The following KAT7 variants were observed in gnomAD, a reference collection of about 807,000 sequenced individuals.
KAT7 encodes lysine acetyltransferase 7.
KAT7 carries 10 observed loss-of-function variants against 82.1 expected under a neutral mutation model. The ratio of observed to expected loss-of-function variants is 0.12; its 90% CI spans 0.08 to 0.21. KAT7 has a LOEUF of 0.21. KAT7 is among the 10% of genes least tolerant of loss of function. The pLI is 1.00. For synonymous variants in KAT7, 250 were observed against 262.5 expected, an observed-to-expected ratio of 0.95 and a Z score of 0.46; for missense variants, 378 against 760.9, an observed-to-expected ratio of 0.50 and a Z score of 5.92.
intron 8 of KAT7, 99 bp from the exon 9 acceptor site, chr17:49,817,721 C>T: frequency 1.1e-6 from 1 of 914,590 alleles, no homozygotes; most frequent in Non-Finnish European, 1.7e-6. Flanking sequence ...CCTGCCTCAG[C>T]CTCCCAAAGT....
Position 49,811,520 on chromosome 17 carries a change from A to G in KAT7, c.798A>G (p.Glu266=), listed in dbSNP as rs2074165372. 2.6e-6 allele frequency: 4 copies of G among 1,555,768 alleles called. No individual in the cohort carries two copies. Among genetic ancestry groups the G allele is most frequent in the Non-Finnish European group, 3.5e-6 (4 of 1,150,114 alleles). Residue 266 remains glutamate, a synonymous_variant, in exon 7 of 15, where the codon GAA becomes GAG. Transcript: ENST00000259021. The stretch of plus-strand genomic sequence containing the variant: ...TTCGATATAAGGAAAAAGTGGCTGA[A>G]CTCAGGAAGAAAAGAAATTCTGGAC... ...RQLRYKEKVA[E]LRKKRNSGLS... is the part of the protein sequence containing the mutation.
intron 9 of KAT7, among the ~76,000 whole-genome samples, chr17:49,821,021 G>A (rs2074297118): frequency 6.6e-6 from 1 of 152,082 alleles, no homozygotes; most frequent in Non-Finnish European, 1.5e-5. Flanking sequence ...TGAGGCATTT[G>A]GTAATAAGCA....
chr17:49,813,460 A>C (rs1336732078), intron 7 of KAT7, among the ~76,000 whole-genome samples: 1 of 152,308 alleles, frequency 6.6e-6, no homozygotes, highest in Admixed American at 6.5e-5. Context: ...ATTCTTAAAC[A>C]TAGGGCATGT....
rs1289619319 is a variant in KAT7 at position 49,833,613 on chromosome 17, T to G, written c.*6111T>G. Reference sequence around the variant, plus strand: ...AAACGAGAAGCTTGGGCTAAATTACTGAATGGTGAGAGACGATGCATAGGA... The same window carrying G: ...AAACGAGAAGCTTGGGCTAAATTACGGAATGGTGAGAGACGATGCATAGGA... On this transcript the variant is annotated 3_prime_UTR_variant, in exon 15 of 15. Coordinates refer to ENST00000259021, the MANE Select transcript of KAT7 (RefSeq NM_007067.5). The G allele has an allele frequency of 6.6e-6, 1 of 152,212 alleles. No homozygotes were observed. The highest frequency in any genetic ancestry group is 2.4e-5 in the African/African-American group (1 of 41,444). 9.4% of individuals were successfully genotyped at this position (152,212 alleles called of 1,614,324 possible).
chr17:49,814,801 G>T (rs77455122), intron 7 of KAT7, among the ~76,000 whole-genome samples: 5,350 of 152,024 alleles, frequency 0.035, 236 homozygotes, highest in African/African-American at 0.1. Context: ...AATTTAAAAA[G>T]ATTCACAGCA....
chr17:49,828,055 T>C lies in KAT7; in HGVS notation c.*553T>C, dbSNP rs1310516869. Reference sequence around the variant, plus strand: ...TTCTTCATTTTGATTAAGAGACCTCTTTTTGATCTGTATTGGGCTAACCAG... The same window carrying C: ...TTCTTCATTTTGATTAAGAGACCTCCTTTTGATCTGTATTGGGCTAACCAG... On this transcript the variant is annotated 3_prime_UTR_variant, in exon 15 of 15. Coordinates refer to ENST00000259021, the MANE Select transcript of KAT7 (RefSeq NM_007067.5). 6.5e-6 allele frequency: 1 copy of C among 153,160 alleles called. No homozygotes were observed. The highest frequency in any genetic ancestry group is 1.5e-5 in the Non-Finnish European group (1 of 68,652). The allele number at this position is 153,160 out of a possible 1,614,324, so 9.5% of individuals were successfully genotyped here.
chr17:49,820,569 G>A (rs1031066845), intron 9 of KAT7, among the ~76,000 whole-genome samples: 2 of 152,064 alleles, frequency 1.3e-5, no homozygotes, highest in Non-Finnish European at 2.9e-5. Flanking sequence ...GTGAGCCACC[G>A]CATCAGGCCT....
intron 4 of KAT7, among the ~76,000 whole-genome samples, chr17:49,800,782 A>G (rs1228591009): frequency 6.6e-6 from 1 of 152,132 alleles, no homozygotes; most frequent in Admixed American, 6.5e-5. Flanking sequence ...TCAACTGGAG[A>G]TAAATGCTGT....
chr17:49,834,567 A>G lies in KAT7; in HGVS notation c.*7065A>G, dbSNP rs1325117027. ...TCAAGTCTTTCCGTAAGCTGACTCA[A>G]CCTACATAGCTTTCATCATTCCCTT... On this transcript the variant is annotated 3_prime_UTR_variant, in exon 15 of 15. Transcript: ENST00000259021. The G allele has an allele frequency of 6.6e-6, 1 of 152,254 alleles. No individual in the cohort carries two copies. The highest frequency in any genetic ancestry group is 2.4e-5 in the African/African-American group (1 of 41,468). The allele number at this position is 152,254 out of a possible 1,614,324, so 9.4% of individuals were successfully genotyped here.
intron 2 of KAT7, 87 bp downstream of exon 2, chr17:49,792,120 GC>G (rs1224702501): frequency 1.5e-6 from 2 of 1,350,798 alleles, no homozygotes; most frequent in Admixed American, 1.9e-5. Context: ...GTGGAAACTG[GC>G]CCCTTGGCTT....
At chr17:49,808,811 A>G (rs1300268485) in intron 5 of KAT7, among the ~76,000 whole-genome samples, 1 of 152,038 alleles carries the variant, frequency 6.6e-6, no homozygotes, top group Admixed American at 6.6e-5. Context: ...GCACTTCCTC[A>G]TGCTTTTTTA....
Position 49,826,706 on chromosome 17 carries a change from G to A in KAT7, c.1641G>A (p.Glu547=). Residue 547 remains glutamate, a synonymous_variant, in exon 14 of 15, where the codon GAG becomes GAA. Coordinates refer to ENST00000259021, the MANE Select transcript of KAT7 (RefSeq NM_007067.5). The part of the protein sequence containing the change: ...KEISIKEISQ[E]TAVNPVDIVS... ...CTTCTGTTTCAGAAATCAGTCAGGA[G>A]ACGGCTGTGAATCCTGTGGACATTG... The A allele has an allele frequency of 6.2e-7, 1 of 1,611,132 alleles. No individual in the cohort carries two copies. The highest frequency in any genetic ancestry group is 8.5e-7 in the Non-Finnish European group (1 of 1,179,076).
At chr17:49,795,068 C>T (rs184697209) in intron 2 of KAT7, among the ~76,000 whole-genome samples, 35 of 150,316 alleles carry the variant, frequency 2.3e-4, no homozygotes, top group Admixed American at 5.3e-4. Context: ...AGGCTGACAC[C>T]GCGCCCTGGC....
chr17:49,789,446 C>CCAGTTGCTTCCAAG (rs1555600682), intron 1 of KAT7: 1 of 152,154 alleles, frequency 6.6e-6, no homozygotes, highest in Non-Finnish European at 1.5e-5. Context: ...CCCTCTCAGG[C>CCAGTTGCTTCCAAG]CAGTTGCCTC....
intron 4 of KAT7, among the ~76,000 whole-genome samples, chr17:49,799,499 A>T (rs566344435): frequency 6.6e-6 from 1 of 151,688 alleles, no homozygotes; most frequent in East Asian, 1.9e-4. Flanking sequence ...TCCTGCTTCA[A>T]CCTCCTGAGT....
chr17:49,824,966 A>G, intron 12 of KAT7, among the ~76,000 whole-genome samples: 1 of 152,038 alleles, frequency 6.6e-6, no homozygotes, highest in East Asian at 1.9e-4. Context: ...GTGATATTCA[A>G]ATTTCCCTGG....
At chr17:49,796,947 T>G (rs747691369) in intron 3 of KAT7, 21 bp downstream of exon 3, 2 of 1,608,026 alleles carry the variant, frequency 1.2e-6, no homozygotes, top group Non-Finnish European at 8.5e-7. Context: ...ATGGTATGAC[T>G]TAGACCTATT....
Position 49,821,760 on chromosome 17 carries a change from T to G in KAT7, c.1356T>G (p.Thr452=). ...ATGTTATGACAGAGGCGGACAACACTGGCTGTCACCTGATTGGATATTTTT... is the reference window on the plus strand; with the variant it reads ...ATGTTATGACAGAGGCGGACAACACGGGCTGTCACCTGATTGGATATTTTT... ...LFYVMTEADN[T]GCHLIGYFSK... is the part of the protein sequence containing the mutation. Residue 452 remains threonine, a synonymous_variant, in exon 11 of 15, where the codon ACT becomes ACG. Coordinates refer to ENST00000259021, the MANE Select transcript of KAT7 (RefSeq NM_007067.5). 1 of 1,614,024 alleles carries G rather than the reference T, an allele frequency of 6.2e-7. No individual in the cohort carries two copies. The highest frequency in any genetic ancestry group is 8.5e-7 in the Non-Finnish European group (1 of 1,179,898).
chr17:49,827,691 T>G lies in KAT7; in HGVS notation c.*189T>G. The G allele has an allele frequency of 1.7e-6, 1 of 593,964 alleles. No homozygotes were observed. Among genetic ancestry groups the G allele is most frequent in the East Asian group, 2.8e-5 (1 of 36,164 alleles). The allele number at this position is 593,964 out of a possible 1,614,324, so 36.8% of individuals were successfully genotyped here. On this transcript the variant is annotated 3_prime_UTR_variant, in exon 15 of 15. Transcript: ENST00000259021. Reference sequence around the variant, plus strand: ...GACGCTGGTTCTGAGGAACTGTTGTTTCGGCCTCAGTGAGGTTGCCTGGAT... The same window carrying G: ...GACGCTGGTTCTGAGGAACTGTTGTGTCGGCCTCAGTGAGGTTGCCTGGAT...
Sources: allele counts gnomAD v4.1 joint callset (sites outside exome capture counted in the v4.1 genomes callset), GRCh38; gene constraint gnomAD v4.1.1; transcripts MANE v1.5; gene names NCBI Gene and HGNC (gene_info 2026-07-23, HGNC 2026-07-21).